The following NRXN3 variants were observed in gnomAD, a reference collection of about 807,000 sequenced individuals.
NRXN3 encodes neurexin III.
A neutral mutation model predicts 137.6 loss-of-function variants in NRXN3; 32 were observed. The observed-to-expected ratio is 0.23, with a 90% CI of 0.18 to 0.31. NRXN3 has a LOEUF of 0.31. Ranked by LOEUF, NRXN3 falls within the 10% of genes least tolerant of loss-of-function variation. The pLI is 1.00. For missense variants in NRXN3, 1,574 were observed against 2,062.5 expected, an observed-to-expected ratio of 0.76 and a Z score of 4.59; for synonymous variants, 798 against 784.5, an observed-to-expected ratio of 1.02 and a Z score of -0.29.
intron 20 of NRXN3, among the ~76,000 whole-genome samples, chr14:79,810,778 C>A (rs1374438148): frequency 6.6e-6 from 1 of 152,152 alleles, no homozygotes; most frequent in Non-Finnish European, 1.5e-5. Flanking sequence ...CTCACCAAAT[C>A]ATTTTACTTT....
chr14:79,745,903 A>G lies in NRXN3; in HGVS notation c.4014+47966A>G, dbSNP rs959411766. ...GTTCTCCCTGTGTGCCCCTTTCTTC[A>G]TATGGCTATCTTCTTGTAAGACACT... On this transcript the variant is annotated intron_variant, in intron 19 of 20. Transcript: ENST00000335750. 3.9e-5 allele frequency among the ~76,000 whole-genome samples: 6 copies of G among 152,088 alleles called. No homozygotes were observed. In the East Asian group the frequency reaches 5.8e-4, roughly 15 times the overall value.
chr14:79,374,882 T>C (rs972209025), intron 15 of NRXN3, among the ~76,000 whole-genome samples: 1 of 152,222 alleles, frequency 6.6e-6, no homozygotes, highest in African/African-American at 2.4e-5. Flanking sequence ...TTTCTTGGGC[T>C]GCACCATTCA....
At chr14:79,172,849 G>C (rs541294237) in intron 15 of NRXN3, among the ~76,000 whole-genome samples, 1 of 152,128 alleles carries the variant, frequency 6.6e-6, no homozygotes, top group Admixed American at 6.5e-5. Context: ...AAAAAATAAT[G>C]TATGAACCTG....
chr14:79,659,526 A>C (rs2098522983), intron 16 of NRXN3, among the ~76,000 whole-genome samples: 1 of 152,156 alleles, frequency 6.6e-6, no homozygotes, highest in African/African-American at 2.4e-5. Context: ...ATATGTCTTG[A>C]TGACAGTGCC....
chr14:79,820,597 C>T (rs982060466), intron 20 of NRXN3, among the ~76,000 whole-genome samples: 8 of 152,260 alleles, frequency 5.3e-5, no homozygotes, highest in Middle Eastern at 3.4e-3. Context: ...TTGTACATAT[C>T]ATTTGATCAT....
At chr14:78,778,678 TTTTCTTTCTTTCTTTCTTTCTTTC>T (rs56391630) in intron 8 of NRXN3, among the ~76,000 whole-genome samples, 130 of 114,522 alleles carry the variant, frequency 1.1e-3, no homozygotes, top group Non-Finnish European at 1.7e-3. Context: ...TTCTCTTTTC[TTTTCTTTCTTTCTTTCTTTCTTTC>T]TTTCTTTCTT....
At chr14:78,975,904 C>G (rs1377003648) in intron 14 of NRXN3, among the ~76,000 whole-genome samples, 1 of 152,046 alleles carries the variant, frequency 6.6e-6, no homozygotes, top group Non-Finnish European at 1.5e-5. Context: ...ATCTACATCT[C>G]TCTAGGTCAA....
At chr14:78,619,910 A>C (rs1213649543) in intron 4 of NRXN3, among the ~76,000 whole-genome samples, 1 of 152,190 alleles carries the variant, frequency 6.6e-6, no homozygotes, top group Non-Finnish European at 1.5e-5. Flanking sequence ...GTGAGGACAC[A>C]GGAAGAAGAT....
chr14:78,620,106 A>G (rs960259358), intron 4 of NRXN3, among the ~76,000 whole-genome samples: 1 of 152,236 alleles, frequency 6.6e-6, no homozygotes, highest in African/African-American at 2.4e-5. Context: ...AAACAGGGCT[A>G]GGAGTTATTT....
chr14:79,330,400 G>A (rs551538955), intron 15 of NRXN3, among the ~76,000 whole-genome samples: 45 of 152,232 alleles, frequency 3.0e-4, no homozygotes, highest in Admixed American at 5.9e-4. Context: ...TCTTGTGCCC[G>A]GAAGGCTGCA....
intron 20 of NRXN3, among the ~76,000 whole-genome samples, chr14:79,858,573 G>C (rs939489812): frequency 7.2e-5 from 11 of 151,972 alleles, no homozygotes; most frequent in African/African-American, 2.7e-4. Context: ...ATTGCCATAA[G>C]GAACAAATGA....
chr14:79,518,578 C>G (rs970878306), intron 16 of NRXN3, among the ~76,000 whole-genome samples: 2 of 152,112 alleles, frequency 1.3e-5, no homozygotes, highest in Non-Finnish European at 2.9e-5. Context: ...TGCTTCCTTA[C>G]AGAATCTTCT....
chr14:78,240,305 C>G (rs1268141541), intron 1 of NRXN3, among the ~76,000 whole-genome samples: 1 of 152,160 alleles, frequency 6.6e-6, no homozygotes, highest in Non-Finnish European at 1.5e-5. Flanking sequence ...GGCAGATGCA[C>G]TTGAATGTGT....
At chr14:78,438,061 CAGGG>C (rs528920798) in intron 4 of NRXN3, among the ~76,000 whole-genome samples, 309 of 151,964 alleles carry the variant, frequency 2.0e-3, no homozygotes, top group African/African-American at 7.2e-3. Flanking sequence ...ACAGAGTGGA[CAGGG>C]AGGGAGGGAC....
chr14:79,733,263 A>T (rs1308884422), intron 19 of NRXN3, among the ~76,000 whole-genome samples: 1 of 152,202 alleles, frequency 6.6e-6, no homozygotes, highest in African/African-American at 2.4e-5. Context: ...TGCACAGTAA[A>T]AAATAAAATC....
chr14:79,635,087 A>G (rs1036397907), intron 16 of NRXN3, among the ~76,000 whole-genome samples: 1 of 152,210 alleles, frequency 6.6e-6, no homozygotes, highest in African/African-American at 2.4e-5. Context: ...TATTCTCACC[A>G]CAAAGAAATG....
intron 15 of NRXN3, among the ~76,000 whole-genome samples, chr14:79,411,259 T>A (rs1599880167): frequency 6.6e-6 from 1 of 152,246 alleles, no homozygotes; most frequent in East Asian, 1.9e-4. Flanking sequence ...CTAGGTTTTC[T>A]TGAGAAATTA....
At chr14:79,758,932 G>A (rs1338421037) in intron 19 of NRXN3, among the ~76,000 whole-genome samples, 1 of 152,158 alleles carries the variant, frequency 6.6e-6, no homozygotes, top group African/African-American at 2.4e-5. Flanking sequence ...CTCATCCTTG[G>A]AAGAGAGAAA....
intron 10 of NRXN3, among the ~76,000 whole-genome samples, chr14:78,906,966 C>T (rs919680016): frequency 1.3e-5 from 2 of 151,890 alleles, no homozygotes; most frequent in Non-Finnish European, 2.9e-5. Flanking sequence ...TAAAATAATT[C>T]GCTCAATCTG....
Sources: allele counts gnomAD v4.1 joint callset (sites outside exome capture counted in the v4.1 genomes callset), GRCh38; gene constraint gnomAD v4.1.1; transcripts MANE v1.5; gene names NCBI Gene and HGNC (gene_info 2026-07-23, HGNC 2026-07-21).